Variants in EPHX3 observed in about 807,000 individuals in gnomAD.
The protein encoded by EPHX3 is abhydrolase domain containing 9.
EPHX3 carries 39 observed loss-of-function variants against 40.2 expected under a neutral mutation model. The ratio of observed to expected loss-of-function variants is 0.97; its 90% CI spans 0.75 to 1.27. The LOEUF (loss-of-function observed/expected upper bound fraction) is 1.27. EPHX3 is among the 50% of genes most tolerant of loss of function. The pLI is 0.00. For synonymous variants in EPHX3, 213 were observed against 209.7 expected (o/e 1.02, Z -0.14); for missense variants, 442 against 474.0 (o/e 0.93, Z 0.63).
upstream of EPHX3, chr19:15,236,128 G>A (rs549798077): frequency 6.6e-6 from 1 of 152,328 alleles, no homozygotes; most frequent in Admixed American, 6.5e-5. Context: ...CAGATCCAAA[G>A]ACAATAAAGG....
intron 4 of EPHX3, among the ~76,000 whole-genome samples, chr19:15,230,582 G>C (rs1276098842): frequency 6.6e-6 from 1 of 152,032 alleles, no homozygotes; most frequent in East Asian, 1.9e-4. Context: ...CCAGGTTCAA[G>C]AGATTCTCCT....
intron 1 of EPHX3, 25 bp from the exon 2 acceptor site, chr19:15,231,886 C>T: frequency 6.2e-7 from 1 of 1,613,426 alleles, no homozygotes; most frequent in Non-Finnish European, 8.5e-7. Flanking sequence ...CAGCCTGAAG[C>T]CTGGGGAACC....
chr19:15,232,013 G>C lies in EPHX3; in HGVS notation c.199C>G (p.Leu67Val), dbSNP rs529177714. The C allele has an allele frequency of 3.5e-5, 56 of 1,602,404 alleles. No homozygotes were observed. The Middle Eastern group carries it at 8.3e-4, about 24-fold the overall frequency. ...GRRRSASPACLSDPSLGEHGF... is the reference protein window; with the variant it reads ...GRRRSASPACVSDPSLGEHGF... ...TGCTCACCCAGCGAGGGGTCGCTCA[G>C]GCAGGCGGGGGACGCGCTCCGACGG... is the stretch of plus-strand genomic sequence containing the variant. Residue 67 changes from leucine (L) to valine (V), a missense_variant, in exon 1 of 7, where the codon CTG (leucine) becomes GTG (valine). Coordinates refer to ENST00000221730, the MANE Select transcript of EPHX3 (RefSeq NM_024794.3).
At position 15,232,019 on chromosome 19, in the gene EPHX3, C is replaced by A. The variant is rs755453401; in HGVS notation, c.193G>T (p.Ala65Ser). 16 of 1,598,822 alleles carry A rather than the reference C, an allele frequency of 1.0e-5. No individual in the cohort carries two copies. The East Asian group carries it at 3.4e-4, about 34-fold the overall frequency. ...CCCAGCGAGGGGTCGCTCAGGCAGG[C>A]GGGGGACGCGCTCCGACGGCGCCCG... Reference protein sequence around the residue: ...CCGRRRSASPACLSDPSLGEH... With the variant: ...CCGRRRSASPSCLSDPSLGEH... The change falls in exon 1 of 7, where the codon GCC (alanine) becomes TCC (serine). Residue 65 changes from alanine (A) to serine (S), a missense_variant. Transcript: ENST00000221730.
chr19:15,231,796 C>A lies in EPHX3; in HGVS notation c.309G>T (p.Leu103=), dbSNP rs1301196797. 2 of 1,613,872 alleles carry A rather than the reference C, an allele frequency of 1.2e-6. No individual in the cohort carries two copies. The highest frequency in any genetic ancestry group is 1.3e-5 in the African/African-American group (1 of 74,944). ...GRGNGPLMLF[L]HGFPENWFSW... is the part of the protein sequence containing the mutation. ...CGTACCAGTTCTCAGGGAAGCCGTG[C>A]AGAAACAGCATGAGGGGTCCGTTAC... Residue 103 remains leucine, a synonymous_variant, in exon 2 of 7, where the codon CTG becomes CTT. Coordinates refer to ENST00000221730, the MANE Select transcript of EPHX3 (RefSeq NM_024794.3).
upstream of EPHX3, among the ~76,000 whole-genome samples, chr19:15,232,760 C>T (rs1240225582): frequency 6.6e-6 from 1 of 152,050 alleles, no homozygotes; most frequent in East Asian, 1.9e-4. Context: ...GCCTGTAGTC[C>T]CAGCTACTTG....
chr19:15,232,343 G>A lies in EPHX3; in HGVS notation c.-132C>T, dbSNP rs1008107210. ...TCCGTGCCGTCGGGATTTGTGGGAC[G>A]CGCTGAAGGAAGAGGCGGGCGGCTC... On this transcript the variant is annotated 5_prime_UTR_variant, in exon 1 of 7. Coordinates refer to ENST00000221730, the MANE Select transcript of EPHX3 (RefSeq NM_024794.3). The A allele has an allele frequency of 1.5e-6, 2 of 1,375,098 alleles. No homozygotes were observed. Among genetic ancestry groups the A allele is most frequent in the Non-Finnish European group, 1.9e-6 (2 of 1,073,662 alleles). 85.2% of individuals were successfully genotyped at this position (1,375,098 alleles called of 1,614,324 possible).
Position 15,228,118 on chromosome 19 carries a change from G to T in EPHX3, c.617-18C>A. On this transcript the variant is annotated intron_variant, in intron 4 of 6. Coordinates refer to ENST00000221730, the MANE Select transcript of EPHX3 (RefSeq NM_024794.3). ...GGAATAGTCTGGGGTGGGAGGGTTG[G>T]GGGAGAGATATAAGGCCTGCTCCTG... 6.9e-7 allele frequency: 1 copy of T among 1,457,688 alleles called. No individual in the cohort carries two copies. The highest frequency in any genetic ancestry group is 9.6e-7 in the Non-Finnish European group (1 of 1,045,072). The allele number at this position is 1,457,688 out of a possible 1,614,324, so 90.3% of individuals were successfully genotyped here. A position where few individuals can be genotyped will look rare whatever the true frequency, so the allele number is the denominator to read the frequency against.
intron 4 of EPHX3, 147 bp downstream of exon 4, chr19:15,230,815 A>T (rs2047147966): frequency 9.6e-7 from 1 of 1,042,874 alleles, no homozygotes; most frequent in African/African-American, 1.6e-5. Context: ...CCGAATGAGG[A>T]GTTCCACAAC....
At chr19:15,232,577 C>G (rs2047163784), upstream of EPHX3, 1 of 467,124 alleles carries the variant, frequency 2.1e-6, no homozygotes, top group African/African-American at 2.1e-5. Context: ...GGGTGAGGGT[C>G]TAAAGGCGGC....
Position 15,227,829 on chromosome 19 carries a change from T to C in EPHX3, c.799A>G (p.Asn267Asp). Residue 267 changes from asparagine (N) to aspartate (D), a missense_variant, in exon 6 of 7, where the codon AAC becomes GAC. By Grantham distance (23) the Asn-to-Asp change is conservative. Transcript: ENST00000221730. ...GTGAGGCCACCAGGCTGTGAGAAGT[T>C]ATAAAGGAAGGCCTCGAGCTCGCTG... ...TPSELEAFLY[N>D]FSQPGGLTGP... 6.2e-7 allele frequency: 1 copy of C among 1,613,948 alleles called. No individual in the cohort carries two copies. Among genetic ancestry groups the C allele is most frequent in the South Asian group, 1.1e-5 (1 of 91,070 alleles).
In EPHX3 at chr19:15,231,866, G is replaced by C. The variant is rs768949816; in HGVS notation, c.244-5C>G. Reference sequence around the variant, plus strand: ...GTGCAGACGCAGGCCCGAGCTCTAGGGGGAGGGCACAGCCTGAAGCCTGGG... The same window carrying C: ...GTGCAGACGCAGGCCCGAGCTCTAGCGGGAGGGCACAGCCTGAAGCCTGGG... On this transcript the variant is annotated splice_polypyrimidine_tract_variant and splice_region_variant and intron_variant, in intron 1 of 6. Coordinates refer to ENST00000221730, the MANE Select transcript of EPHX3 (RefSeq NM_024794.3). The C allele has an allele frequency of 5.6e-6, 9 of 1,613,590 alleles. No homozygotes were observed. Among genetic ancestry groups the C allele is most frequent in the Middle Eastern group, 1.6e-4 (1 of 6,084 alleles).
chr19:15,228,142 TG>T, intron 4 of EPHX3, 42 bp from the exon 5 acceptor site: 2 of 1,506,408 alleles, frequency 1.3e-6, no homozygotes, highest in Non-Finnish European at 1.8e-6. Flanking sequence ...GGCCTGCTCC[TG>T]GGGTGGCCCC....
At chr19:15,228,167 C>T in intron 4 of EPHX3, 67 bp from the exon 5 acceptor site, 2 of 1,229,438 alleles carry the variant, frequency 1.6e-6, no homozygotes, top group Non-Finnish European at 2.3e-6. Flanking sequence ...CACCTGCACC[C>T]CTACACATAC....
chr19:15,229,885 C>CAAAAAAAAAAAAAAAAAAAAAAAA lies in EPHX3; in HGVS notation c.616+1053_616+1076dup, dbSNP rs546876108. Among the ~76,000 whole-genome samples the CAAAAAAAAAAAAAAAAAAAAAAAA allele has an allele frequency of 8.5e-4, 8 of 9,368 alleles. 1 individual carries two copies. The highest frequency in any genetic ancestry group is 1.1e-3 in the Non-Finnish European group (6 of 5,220). 6.1% of individuals were successfully genotyped at this position (9,368 alleles called of 152,430 possible). A position where few individuals can be genotyped will look rare whatever the true frequency, so the allele number is the denominator to read the frequency against. ...CTGGCGACAGAGCAAGACTCTGTCT[C>CAAAAAAAAAAAAAAAAAAAAAAAA]AAAAAAAAAAAAAAAAAAAAAAAAA... On this transcript the variant is annotated intron_variant, in intron 4 of 6. Transcript: ENST00000221730.
Position 15,228,027 on chromosome 19 carries a change from G to A in EPHX3, c.690C>T (p.Pro230=), listed in dbSNP as rs779350585. 4.8e-5 allele frequency: 78 copies of A among 1,613,824 alleles called. No homozygotes were observed. The highest frequency in any genetic ancestry group is 5.8e-5 in the Non-Finnish European group (68 of 1,179,998). ...YMFLFQLPWL[P]EKLLSMSDFQ... ...AGTCAGACATAGACAGCAGCTTCTC[G>A]GGCAGCCAGGGCAGCTGGAACAGGA... The change falls in exon 5 of 7, where the codon CCC becomes CCT. Residue 230 remains proline (P), a synonymous_variant. Coordinates refer to ENST00000221730, the MANE Select transcript of EPHX3 (RefSeq NM_024794.3).
chr19:15,230,653 AT>A (rs35540856), intron 4 of EPHX3, among the ~76,000 whole-genome samples: 103 of 135,098 alleles, frequency 7.6e-4, no homozygotes, highest in Middle Eastern at 4.0e-3. Flanking sequence ...GGCTAATTAC[AT>A]TTTTTTTTTT....
intron 4 of EPHX3, among the ~76,000 whole-genome samples, chr19:15,229,594 G>GAA (rs770587568): frequency 5.1e-5 from 5 of 97,298 alleles, no homozygotes; most frequent in Non-Finnish European, 2.2e-5. Context: ...TCCATCTCAA[G>GAA]AAAAAAAAAA....
chr19:15,232,757 G>A (rs567828202), upstream of EPHX3, among the ~76,000 whole-genome samples: 724 of 152,138 alleles, frequency 4.8e-3, 10 homozygotes, highest in Admixed American at 0.012. Context: ...GGCGCCTGTA[G>A]TCCCAGCTAC....
Sources: gnomAD v4.1 joint callset for allele counts (sites outside exome capture counted in the v4.1 genomes callset) on GRCh38, gnomAD v4.1.1 for gene constraint, MANE v1.5 for transcripts, NCBI Gene and HGNC (gene_info 2026-07-23, HGNC 2026-07-21) for gene names.